TRAK1: variants seen among roughly 807,000 people sequenced by gnomAD.
TRAK1 encodes the protein trafficking kinesin-binding protein 1.
Under a neutral mutation model 92.1 loss-of-function variants are expected in TRAK1, and 33 were observed. That is an observed-to-expected ratio of 0.36 (90% CI 0.27 to 0.48). The LOEUF is 0.48. TRAK1 is among the 20% of genes least tolerant of loss of function. The pLI is 0.99. For synonymous variants in TRAK1, 521 were observed against 517.3 expected (o/e 1.01, Z -0.10); for missense variants, 1,123 against 1,257.9 (o/e 0.89, Z 1.62).
rs534583053 is a variant in TRAK1, at chr3:42,218,530, TA to T, written c.1964-963del. The T allele has an allele frequency of 2.2e-3, 2,147 of 984,134 alleles. 1 individual carries two copies. Among genetic ancestry groups the T allele is most frequent in the Non-Finnish European group, 2.5e-3 (2,049 of 828,902 alleles). 61.0% of individuals were successfully genotyped at this position (984,134 alleles called of 1,614,324 possible). A position where few individuals can be genotyped will look rare whatever the true frequency, so the allele number is the denominator to read the frequency against. The stretch of plus-strand genomic sequence containing the variant: ...GCATCTTTTTTTTTTATTTTATTAT[TA>T]TTTTTTTTCCTGATGCTTGAGTTAT... On this transcript the variant is annotated intron_variant, in intron 14 of 15. Coordinates refer to ENST00000327628, the MANE Select transcript of TRAK1 (RefSeq NM_001042646.3).
At chr3:42,054,634 C>G (rs1703121242) in intron 1 of TRAK1, among the ~76,000 whole-genome samples, 1 of 152,138 alleles carries the variant, frequency 6.6e-6, no homozygotes, top group African/African-American at 2.4e-5. Context: ...TCCTCTTTTA[C>G]CACCATCGTA....
At chr3:42,151,444 GATTT>G (rs1699941672) in intron 2 of TRAK1, 3 of 437,278 alleles carry the variant, frequency 6.9e-6, no homozygotes, top group South Asian at 4.9e-5. Flanking sequence ...TAAATATATT[GATTT>G]ATTTATTTCT....
intron 1 of TRAK1, among the ~76,000 whole-genome samples, chr3:42,093,850 G>A (rs550462093): frequency 2.0e-3 from 296 of 150,902 alleles, no homozygotes; most frequent in African/African-American, 7.0e-3. Context: ...TTACAGGCAT[G>A]CGCCACCACG....
At chr3:42,068,501 A>T (rs921164802) in intron 1 of TRAK1, among the ~76,000 whole-genome samples, 5 of 152,078 alleles carry the variant, frequency 3.3e-5, no homozygotes, top group Admixed American at 1.3e-4. Flanking sequence ...TGGGTTGGTT[A>T]TTTTCAGTGC....
intron 13 of TRAK1, among the ~76,000 whole-genome samples, 180 bp from the exon 14 acceptor site, chr3:42,209,587 C>G (rs1708733499): frequency 6.6e-6 from 1 of 152,184 alleles, no homozygotes; most frequent in South Asian, 2.1e-4. Flanking sequence ...GCTTCTGTTT[C>G]ATGGCAGGAA....
At chr3:42,121,203 G>C (rs150868671) in intron 1 of TRAK1, among the ~76,000 whole-genome samples, 45 of 152,240 alleles carry the variant, frequency 3.0e-4, no homozygotes, top group Middle Eastern at 3.5e-3. Context: ...TTGCTGGGAC[G>C]GTGAGACAAT....
intron 2 of TRAK1, among the ~76,000 whole-genome samples, chr3:42,150,616 A>G (rs1049505836): frequency 6.6e-6 from 1 of 152,190 alleles, no homozygotes; most frequent in Non-Finnish European, 1.5e-5. Context: ...ACATTTGATT[A>G]ACCTGAATGA....
chr3:42,016,977 C>T (rs1022783468), intron 1 of TRAK1, among the ~76,000 whole-genome samples: 1 of 152,098 alleles, frequency 6.6e-6, no homozygotes, highest in Non-Finnish European at 1.5e-5. Context: ...TGGACTCTGA[C>T]CACTGGCTGC....
chr3:42,211,525 C>T, intron 14 of TRAK1: 5 of 985,378 alleles, frequency 5.1e-6, no homozygotes, highest in Non-Finnish European at 6.0e-6. Context: ...GGTGGTGGTG[C>T]AGAAACATGA....
intron 1 of TRAK1, among the ~76,000 whole-genome samples, chr3:42,015,546 C>T (rs1346298888): frequency 1.3e-5 from 2 of 152,136 alleles, no homozygotes; most frequent in African/African-American, 2.4e-5. Context: ...CCTGCTCTCC[C>T]CTCTCTGGGA....
At chr3:42,018,102 A>C (rs992332819) in intron 1 of TRAK1, among the ~76,000 whole-genome samples, 2 of 151,052 alleles carry the variant, frequency 1.3e-5, no homozygotes, top group African/African-American at 4.9e-5. Flanking sequence ...AAAAAAAAAA[A>C]AAAGACAAAA....
chr3:42,023,171 A>AAC (rs1334583520), intron 1 of TRAK1, among the ~76,000 whole-genome samples: 3 of 151,594 alleles, frequency 2.0e-5, no homozygotes, highest in Non-Finnish European at 2.9e-5. Flanking sequence ...AAAAAAAAAA[A>AAC]AAACAACAAA....
At chr3:42,094,097 A>G (rs1196371314) in intron 1 of TRAK1, among the ~76,000 whole-genome samples, 2 of 152,184 alleles carry the variant, frequency 1.3e-5, no homozygotes, top group African/African-American at 2.4e-5. Flanking sequence ...TAGGAAAAAA[A>G]AATGGCAGTT....
At position 42,224,371 on chromosome 3, in the gene TRAK1, T is replaced by G; in HGVS notation, c.*634T>G. 3.7e-6 allele frequency: 1 copy of G among 269,432 alleles called. No individual in the cohort carries two copies. Among genetic ancestry groups the G allele is most frequent in the South Asian group, 3.4e-5 (1 of 29,706 alleles). The allele number at this position is 269,432 out of a possible 1,614,324, so 16.7% of individuals were successfully genotyped here. The stretch of plus-strand genomic sequence containing the variant: ...ACCTTTTGTTTTCATGCCTTCCCCT[T>G]GAAGTCATCCTGTGTTTTGTAATCA... On this transcript the variant is annotated 3_prime_UTR_variant, in exon 16 of 16. Transcript: ENST00000327628.
intron 1 of TRAK1, among the ~76,000 whole-genome samples, chr3:42,033,367 G>A (rs753160452): frequency 6.6e-6 from 1 of 152,206 alleles, no homozygotes; most frequent in African/African-American, 2.4e-5. Flanking sequence ...TCTGGATTCA[G>A]CATGTTTAAG....
intron 1 of TRAK1, among the ~76,000 whole-genome samples, chr3:42,118,019 C>T (rs920195333): frequency 1.3e-5 from 2 of 152,004 alleles, no homozygotes; most frequent in African/African-American, 4.8e-5. Flanking sequence ...GGGGTTTCAC[C>T]ATGTTGGCCA....
chr3:42,046,934 A>G (rs1220910017), intron 1 of TRAK1, among the ~76,000 whole-genome samples: 1 of 152,118 alleles, frequency 6.6e-6, no homozygotes, highest in Non-Finnish European at 1.5e-5. Flanking sequence ...TATTTTTTAA[A>G]TTAGGATGGC....
At chr3:42,131,641 C>A (rs902425600) in intron 2 of TRAK1, among the ~76,000 whole-genome samples, 5 of 152,024 alleles carry the variant, frequency 3.3e-5, no homozygotes, top group African/African-American at 9.7e-5. Context: ...TCTCTTGAAC[C>A]CGGGAGGCAG....
At chr3:42,119,723 C>G (rs1323552566) in intron 1 of TRAK1, among the ~76,000 whole-genome samples, 1 of 152,164 alleles carries the variant, frequency 6.6e-6, no homozygotes, top group Non-Finnish European at 1.5e-5. Context: ...ATCCTGTTAA[C>G]CAGGCATGTG....
Sources: gnomAD v4.1 joint callset for allele counts (sites outside exome capture counted in the v4.1 genomes callset) on GRCh38, gnomAD v4.1.1 for gene constraint, MANE v1.5 for transcripts, NCBI Gene and HGNC (gene_info 2026-07-23, HGNC 2026-07-21) for gene names.